KIF6: variants seen among roughly 807,000 people sequenced by gnomAD.
KIF6 encodes the protein kinesin-like protein KIF6.
Under a neutral mutation model 112.7 loss-of-function variants are expected in KIF6, and 106 were observed. The observed-to-expected ratio is 0.94, with a 90% confidence interval of 0.80 to 1.11. The LOEUF (loss-of-function observed/expected upper bound fraction) is 1.11, where lower values mean the gene tolerates loss of function less well. Ranked by LOEUF, KIF6 falls within the 50% of genes least tolerant of loss-of-function variation. The pLI, the probability that KIF6 is intolerant of heterozygous loss-of-function variation, is 0.00. For missense variants in KIF6, 929 were observed against 964.0 expected (o/e 0.96, Z 0.48); for synonymous variants, 339 against 339.9 (o/e 1.00, Z 0.03).
intron 19 of KIF6, 99 bp downstream of exon 19, chr6:39,357,178 G>A: frequency 4.3e-6 from 3 of 703,574 alleles, no homozygotes; most frequent in Non-Finnish European, 7.5e-6. Context: ...TGGATCATAT[G>A]GCTTATCAAG....
chr6:39,563,290 A>G (rs1780107548), intron 10 of KIF6, among the ~76,000 whole-genome samples: 1 of 152,158 alleles, frequency 6.6e-6, no homozygotes, highest in Non-Finnish European at 1.5e-5. Flanking sequence ...CCTGGAACCC[A>G]GAGATAATAC....
intron 19 of KIF6, among the ~76,000 whole-genome samples, chr6:39,350,346 C>T (rs1764137734): frequency 6.6e-6 from 1 of 152,124 alleles, no homozygotes; most frequent in Non-Finnish European, 1.5e-5. Flanking sequence ...ATCCTAAACA[C>T]AACTGCTGTG....
At chr6:39,632,438 A>G (rs947012578) in intron 5 of KIF6, among the ~76,000 whole-genome samples, 2 of 152,110 alleles carry the variant, frequency 1.3e-5, no homozygotes, top group African/African-American at 4.8e-5. Flanking sequence ...TTTGCCTACT[A>G]TGTTTAGAAG....
chr6:39,506,545 A>G (rs778951302), intron 13 of KIF6, among the ~76,000 whole-genome samples: 17 of 152,152 alleles, frequency 1.1e-4, no homozygotes, highest in Non-Finnish European at 1.2e-4. Flanking sequence ...AACCAAATGT[A>G]TATTTGGTCT....
At position 39,430,981 on chromosome 6, in the gene KIF6, G is replaced by A; in HGVS notation, c.1754+72C>T. 3 of 784,758 alleles carry A rather than the reference G, an allele frequency of 3.8e-6. No individual in the cohort carries two copies. In the South Asian group the frequency reaches 4.8e-5, roughly 13 times the overall value. 48.6% of individuals were successfully genotyped at this position (784,758 alleles called of 1,614,324 possible). ...TATGTTGGGCAGATTAGGAAGGACA[G>A]AGTAAGCAAATCTCTTCTAGGCTGG... On this transcript the variant is annotated intron_variant, in intron 14 of 22. Transcript: ENST00000287152.
chr6:39,682,083 T>C (rs1223096916), intron 3 of KIF6, among the ~76,000 whole-genome samples: 1 of 152,146 alleles, frequency 6.6e-6, no homozygotes, highest in Non-Finnish European at 1.5e-5. Context: ...AATGCAGTAA[T>C]AAGAAGACAG....
At position 39,342,770 on chromosome 6, in the gene KIF6, G is replaced by A. The variant is rs1013827289; in HGVS notation, c.2428+939C>T. 3.6e-5 allele frequency: 35 copies of A among 984,798 alleles called. No homozygotes were observed. Among genetic ancestry groups the A allele is most frequent in the Non-Finnish European group, 4.1e-5 (34 of 829,472 alleles). 61.0% of individuals were successfully genotyped at this position (984,798 alleles called of 1,614,324 possible). ...GAGGATAGTAAATAAGCAGGCTGGC[G>A]GCCAAGCAAGGCGAGTACAGGACCA... is the stretch of plus-strand genomic sequence containing the variant. On this transcript the variant is annotated intron_variant, in intron 22 of 22. Coordinates refer to ENST00000287152, the MANE Select transcript of KIF6 (RefSeq NM_145027.6). The surrounding 1 kb of genome is among the most constrained non-coding windows in gnomAD (Gnocchi z 4.7).
chr6:39,380,660 A>C (rs1766855551), intron 16 of KIF6, among the ~76,000 whole-genome samples: 1 of 151,866 alleles, frequency 6.6e-6, no homozygotes, highest in Admixed American at 6.5e-5. Context: ...AAAAAGCCAC[A>C]TTTATAATAC....
intron 13 of KIF6, among the ~76,000 whole-genome samples, chr6:39,508,540 T>C (rs1776574915): frequency 6.6e-6 from 1 of 152,024 alleles, no homozygotes; most frequent in African/African-American, 2.4e-5. Context: ...TCTTTGCAAA[T>C]GGCAGACCCG....
intron 3 of KIF6, among the ~76,000 whole-genome samples, chr6:39,674,330 T>C (rs957728026): frequency 2.0e-5 from 3 of 152,194 alleles, no homozygotes; most frequent in African/African-American, 7.2e-5. Context: ...CCATAAGCTA[T>C]AGATCAGTCG....
At chr6:39,622,747 T>C (rs1228620690) in intron 5 of KIF6, among the ~76,000 whole-genome samples, 1 of 152,230 alleles carries the variant, frequency 6.6e-6, no homozygotes. Flanking sequence ...TGGAGCTTCC[T>C]GGACATGAGC....
chr6:39,515,881 T>C (rs1451605415), intron 13 of KIF6, among the ~76,000 whole-genome samples: 1 of 152,234 alleles, frequency 6.6e-6, no homozygotes, highest in East Asian at 1.9e-4. Flanking sequence ...GAGATGGATC[T>C]ATATGTATGA....
chr6:39,535,919 C>A (rs1778393046), intron 13 of KIF6, among the ~76,000 whole-genome samples: 1 of 152,180 alleles, frequency 6.6e-6, no homozygotes, highest in Admixed American at 6.5e-5. Context: ...TCACTCAAAA[C>A]CGCTCAACTA....
intron 13 of KIF6, among the ~76,000 whole-genome samples, chr6:39,500,345 G>A (rs1410693732): frequency 6.6e-6 from 1 of 152,318 alleles, no homozygotes; most frequent in South Asian, 2.1e-4. Flanking sequence ...AGAGTCCAGA[G>A]GGAGAACTGG....
At chr6:39,547,438 A>AT (rs1269867046) in intron 10 of KIF6, among the ~76,000 whole-genome samples, 1 of 152,182 alleles carries the variant, frequency 6.6e-6, no homozygotes, top group Non-Finnish European at 1.5e-5. Context: ...TTCCTGATAC[A>AT]TTTTTTAAAA....
At chr6:39,566,522 C>G (rs369099549) in intron 10 of KIF6, among the ~76,000 whole-genome samples, 83 of 152,318 alleles carry the variant, frequency 5.4e-4, no homozygotes, top group African/African-American at 1.9e-3. Flanking sequence ...ACATTCCATT[C>G]TGGCAATTTA....
At chr6:39,508,513 C>G (rs1331101918) in intron 13 of KIF6, among the ~76,000 whole-genome samples, 1 of 152,094 alleles carries the variant, frequency 6.6e-6, no homozygotes, top group Non-Finnish European at 1.5e-5. Context: ...TGCCCAAATA[C>G]TGTACTTTTC....
intron 5 of KIF6, among the ~76,000 whole-genome samples, chr6:39,615,562 TTGGTCCAGGGTATGGTC>T (rs1250011894): frequency 6.7e-6 from 1 of 149,722 alleles, no homozygotes; most frequent in African/African-American, 2.5e-5. Context: ...TCTGATTTGA[TTGGTCCAGGGTATGGTC>T]TGGGTATTAG....
intron 13 of KIF6, among the ~76,000 whole-genome samples, chr6:39,493,859 CA>C (rs1775621776): frequency 3.3e-5 from 5 of 152,196 alleles, no homozygotes; most frequent in African/African-American, 7.2e-5. Flanking sequence ...AGATGGAGTT[CA>C]ACTAGGAGCT....
Sources: allele counts gnomAD v4.1 joint callset (sites outside exome capture counted in the v4.1 genomes callset), GRCh38; gene constraint gnomAD v4.1.1; non-coding constraint Gnocchi (gnomAD v3.1); transcripts MANE v1.5; gene names NCBI Gene and HGNC (gene_info 2026-07-23, HGNC 2026-07-21).